The following C1QTNF3 variants were observed in gnomAD, a reference collection of about 807,000 sequenced individuals.
The protein encoded by C1QTNF3 is complement C1q tumor necrosis factor-related protein 3.
In C1QTNF3, 26 loss-of-function variants were observed where a neutral mutation model predicts 32.6. The ratio of observed to expected loss-of-function variants is 0.80; its 90% CI spans 0.58 to 1.11. The LOEUF (loss-of-function observed/expected upper bound fraction) is 1.11, where lower values mean the gene tolerates loss of function less well. Among genes scored for constraint, C1QTNF3 ranks in the 50% least tolerant of loss-of-function variants. The probability of loss-of-function intolerance (pLI) is 0.00; values close to 1 mark genes in which losing one functional copy is unlikely to be tolerated. For synonymous variants in C1QTNF3, 155 were observed against 146.0 expected (o/e 1.06, Z -0.44); for missense variants, 362 against 398.2 (o/e 0.91, Z 0.77).
the C1QTNF3 span, among the ~76,000 whole-genome samples, chr5:34,171,190 A>G: frequency 2.0e-5 from 3 of 152,030 alleles, no homozygotes; most frequent in East Asian, 5.8e-4. Context: ...TGAATACCAC[A>G]GGGTAGTTTT....
the C1QTNF3 span, among the ~76,000 whole-genome samples, chr5:34,087,649 A>G: frequency 7.0e-6 from 1 of 143,432 alleles, no homozygotes; most frequent in Non-Finnish European, 1.5e-5. Context: ...TCATGGCTCA[A>G]TCAGCCTTGA....
At chr5:34,216,191 G>A in the C1QTNF3 span, among the ~76,000 whole-genome samples, 16 of 152,176 alleles carry the variant, frequency 1.1e-4, no homozygotes, top group Non-Finnish European at 2.2e-4. Flanking sequence ...TCATTGTCTT[G>A]TTTAAGTATC....
At chr5:34,076,265 G>A in the C1QTNF3 span, among the ~76,000 whole-genome samples, 2 of 151,242 alleles carry the variant, frequency 1.3e-5, no homozygotes, top group Non-Finnish European at 2.9e-5. Flanking sequence ...ATGATGAAAT[G>A]GTAAGTTTTA....
chr5:34,035,344 T>C (rs1211066436), intron 2 of C1QTNF3, among the ~76,000 whole-genome samples: 4 of 152,168 alleles, frequency 2.6e-5, no homozygotes, highest in African/African-American at 7.2e-5. Flanking sequence ...CACAGAAGGA[T>C]GCACAGCTCA....
At chr5:34,052,825 C>T in the C1QTNF3 span, among the ~76,000 whole-genome samples, 1 of 152,134 alleles carries the variant, frequency 6.6e-6, no homozygotes, top group Non-Finnish European at 1.5e-5. Flanking sequence ...GTATTTCCTG[C>T]TCATGATTAA....
At chr5:34,120,766 C>T in the C1QTNF3 span, among the ~76,000 whole-genome samples, 2 of 152,190 alleles carry the variant, frequency 1.3e-5, no homozygotes, top group East Asian at 1.9e-4. Flanking sequence ...TCCCCAGCCA[C>T]GTGGAACCGT....
the C1QTNF3 span, among the ~76,000 whole-genome samples, chr5:34,162,070 G>A: frequency 9.2e-5 from 14 of 152,108 alleles, no homozygotes. Flanking sequence ...AAGGTAGTCT[G>A]AGAGATTAAT....
At chr5:34,063,447 C>G in the C1QTNF3 span, among the ~76,000 whole-genome samples, 1 of 150,396 alleles carries the variant, frequency 6.6e-6, no homozygotes, top group East Asian at 2.0e-4. Flanking sequence ...AGACCCAGTT[C>G]TAGTTGTTAA....
chr5:34,049,536 T>G, the C1QTNF3 span, among the ~76,000 whole-genome samples: 1 of 152,246 alleles, frequency 6.6e-6, no homozygotes, highest in Non-Finnish European at 1.5e-5. Context: ...CTTGCTATAC[T>G]GGCCTCCTAG....
At chr5:34,161,332 A>T in the C1QTNF3 span, among the ~76,000 whole-genome samples, 1 of 152,174 alleles carries the variant, frequency 6.6e-6, no homozygotes, top group South Asian at 2.1e-4. Context: ...AAAAATAAAA[A>T]GGTTTAAGAG....
chr5:34,103,706 CAACT>C, the C1QTNF3 span, among the ~76,000 whole-genome samples: 1 of 136,406 alleles, frequency 7.3e-6, no homozygotes, highest in Non-Finnish European at 1.6e-5. Flanking sequence ...CCTGTAATCC[CAACT>C]ACTCAGGAGG....
In C1QTNF3 at chr5:34,020,739, A is replaced by T; in HGVS notation, c.804T>A (p.Tyr268Ter). The change falls in exon 6 of 6, where the codon TAT becomes TAA. Residue 268 changes from tyrosine (Y) to a stop codon, truncating the protein, a stop_gained. Transcript: ENST00000382065. LOFTEE classifies it high-confidence loss of function. ...NGNTVFSMYS[Y>*]EMKGKSDTSS... ...ATGTATCTGATTTGCCCTTCATTTC[A>T]TAGCTGGAAAGAAAAAGAGGAACAA... The T allele has an allele frequency of 6.2e-7, 1 of 1,610,092 alleles. No homozygotes were observed. The highest frequency in any genetic ancestry group is 8.5e-7 in the Non-Finnish European group (1 of 1,177,258).
At chr5:34,201,980 G>A in the C1QTNF3 span, among the ~76,000 whole-genome samples, 3 of 152,078 alleles carry the variant, frequency 2.0e-5, no homozygotes, top group Admixed American at 1.3e-4. Context: ...TAGGCACAAG[G>A]ATATTGAATC....
the C1QTNF3 span, among the ~76,000 whole-genome samples, chr5:34,087,937 T>A: frequency 1.3e-5 from 2 of 152,254 alleles, no homozygotes; most frequent in Non-Finnish European, 2.9e-5. Context: ...TCCTGTAATA[T>A]GAAACCAATT....
the C1QTNF3 span, among the ~76,000 whole-genome samples, chr5:34,126,736 T>C: frequency 9.2e-5 from 14 of 151,532 alleles, no homozygotes; most frequent in African/African-American, 3.4e-4. Flanking sequence ...GTGGTATATA[T>C]ATACAATGGA....
At chr5:34,092,490 A>T in the C1QTNF3 span, among the ~76,000 whole-genome samples, 1 of 148,598 alleles carries the variant, frequency 6.7e-6, no homozygotes, top group Non-Finnish European at 1.5e-5. Context: ...CTTATTAAAC[A>T]CTTTATCCCA....
At chr5:34,052,241 G>A in the C1QTNF3 span, among the ~76,000 whole-genome samples, 223 of 152,232 alleles carry the variant, frequency 1.5e-3, 2 homozygotes, top group African/African-American at 4.9e-3. Context: ...TGTCCCACTC[G>A]ATAGACATCC....
chr5:34,033,486 GA>G, intron 2 of C1QTNF3, 28 bp from the exon 3 acceptor site: 1 of 1,613,904 alleles, frequency 6.2e-7, no homozygotes, highest in Non-Finnish European at 8.5e-7. Flanking sequence ...CATCACATGA[GA>G]AAACCCAGTC....
At chr5:34,167,225 C>T in the C1QTNF3 span, 1 of 152,164 alleles carries the variant, frequency 6.6e-6, no homozygotes, top group African/African-American at 2.4e-5. Context: ...TGTCCACACT[C>T]TAAATTCTCT....
Sources: allele counts gnomAD v4.1 joint callset (sites outside exome capture counted in the v4.1 genomes callset), GRCh38; gene constraint gnomAD v4.1.1; transcripts MANE v1.5; gene names NCBI Gene and HGNC (gene_info 2026-07-23, HGNC 2026-07-21).